Variants in CAMTA1 observed in about 807,000 individuals in gnomAD.
The protein encoded by CAMTA1 is calmodulin binding transcription activator 1.
A neutral mutation model predicts 170.9 loss-of-function variants in CAMTA1; 27 were observed. The ratio of observed to expected loss-of-function variants is 0.16; its 90% CI spans 0.12 to 0.22. The LOEUF is 0.22. Among genes scored for constraint, CAMTA1 ranks in the 10% least tolerant of loss-of-function variants. The pLI is 1.00. For missense variants in CAMTA1, 1,619 were observed against 2,217.2 expected, an observed-to-expected ratio of 0.73 and a Z score of 5.42; for synonymous variants, 833 against 891.5, an observed-to-expected ratio of 0.93 and a Z score of 1.17.
chr1:7,128,096 G>C (rs978124655), intron 4 of CAMTA1, among the ~76,000 whole-genome samples: 19 of 152,122 alleles, frequency 1.2e-4, no homozygotes, highest in African/African-American at 4.4e-4. Flanking sequence ...TCTCTGATGA[G>C]CTTCCCTGGC....
intron 5 of CAMTA1, among the ~76,000 whole-genome samples, chr1:7,350,424 G>T (rs1173421637): frequency 2.6e-5 from 4 of 152,228 alleles, no homozygotes; most frequent in Non-Finnish European, 4.4e-5. Flanking sequence ...ATGAGACCTG[G>T]TGTTACCTTT....
intron 5 of CAMTA1, among the ~76,000 whole-genome samples, chr1:7,280,220 C>T (rs780050563): frequency 6.6e-6 from 1 of 152,246 alleles, no homozygotes; most frequent in African/African-American, 2.4e-5. Context: ...ACACTCATTT[C>T]CTTTGCCCCA....
At chr1:7,504,161 G>T (rs2094059455) in intron 6 of CAMTA1, among the ~76,000 whole-genome samples, 1 of 152,138 alleles carries the variant, frequency 6.6e-6, no homozygotes, top group Admixed American at 6.5e-5. Flanking sequence ...GAACGGGTGG[G>T]GACTGACTTT....
chr1:7,155,043 C>A (rs1202614183), intron 4 of CAMTA1, among the ~76,000 whole-genome samples: 1 of 152,176 alleles, frequency 6.6e-6, no homozygotes, highest in East Asian at 1.9e-4. Flanking sequence ...GGGCCCTTCT[C>A]CAGCCAGGAT....
intron 4 of CAMTA1, among the ~76,000 whole-genome samples, chr1:7,125,510 T>G (rs1644879478): frequency 1.3e-5 from 2 of 152,208 alleles, no homozygotes; most frequent in South Asian, 4.2e-4. Flanking sequence ...TGGCAGTTGC[T>G]TACCCATCCA....
At chr1:7,597,949 T>A (rs866822828) in intron 6 of CAMTA1, among the ~76,000 whole-genome samples, 14 of 152,208 alleles carry the variant, frequency 9.2e-5, no homozygotes, top group African/African-American at 1.4e-4. Flanking sequence ...TTTTTTTTTT[T>A]TATACTTTAA....
At chr1:7,651,366 G>A (rs12126201) in intron 7 of CAMTA1, among the ~76,000 whole-genome samples, 23,894 of 152,140 alleles carry the variant, frequency 0.16, 2,368 homozygotes, top group Middle Eastern at 0.34. Context: ...AAGGCCAAGC[G>A]TCGATTCCAG....
At chr1:6,857,845 TAATG>T (rs1663028668) in intron 3 of CAMTA1, among the ~76,000 whole-genome samples, 1 of 152,072 alleles carries the variant, frequency 6.6e-6, no homozygotes, top group African/African-American at 2.4e-5. Context: ...AAAAGCCTAT[TAATG>T]GGGAGATCTA....
At chr1:6,928,389 G>A (rs534534241) in intron 3 of CAMTA1, among the ~76,000 whole-genome samples, 11 of 152,274 alleles carry the variant, frequency 7.2e-5, no homozygotes, top group Admixed American at 1.3e-4. Flanking sequence ...AGAGAGAATC[G>A]GGTGTTCAGT....
intron 4 of CAMTA1, among the ~76,000 whole-genome samples, chr1:7,143,844 T>C (rs1646027023): frequency 6.6e-6 from 1 of 152,238 alleles, no homozygotes; most frequent in Non-Finnish European, 1.5e-5. Flanking sequence ...AAGTCATATG[T>C]CTATACACTA....
intron 3 of CAMTA1, among the ~76,000 whole-genome samples, chr1:7,000,492 C>CT (rs1473207450): frequency 6.6e-6 from 1 of 152,160 alleles, no homozygotes; most frequent in East Asian, 1.9e-4. Flanking sequence ...GGGAGCATGT[C>CT]TTATGGAGCG....
chr1:7,546,987 A>G (rs1406413241), intron 6 of CAMTA1, among the ~76,000 whole-genome samples: 1 of 152,208 alleles, frequency 6.6e-6, no homozygotes, highest in Non-Finnish European at 1.5e-5. Flanking sequence ...ATTCCCCATC[A>G]GACTTTCAGT....
intron 3 of CAMTA1, among the ~76,000 whole-genome samples, chr1:6,930,939 C>T (rs879530764): frequency 1.6e-4 from 24 of 152,230 alleles, no homozygotes; most frequent in Non-Finnish European, 1.8e-4. Context: ...TTGGCTCCGC[C>T]GCGTCTCCTC....
intron 4 of CAMTA1, among the ~76,000 whole-genome samples, chr1:7,095,918 C>T (rs1031332442): frequency 8.1e-5 from 12 of 148,736 alleles, no homozygotes; most frequent in African/African-American, 3.1e-4. Flanking sequence ...CTGGGAAATA[C>T]GCAACCTTCC....
At position 6,937,149 on chromosome 1, in the gene CAMTA1, C is replaced by T. The variant is rs529133493; in HGVS notation, c.234+111939C>T. Among the ~76,000 whole-genome samples the T allele has an allele frequency of 6.0e-4, 91 of 151,804 alleles. 1 individual carries two copies. In the South Asian group the frequency reaches 0.01, roughly 17 times the overall value. On this transcript the variant is annotated intron_variant, in intron 3 of 22. Transcript: ENST00000303635. ...CATTTACCACCACCATCACCATCACCATCATCACCGTCATCACCACCATAA... is the reference window on the plus strand; with the variant it reads ...CATTTACCACCACCATCACCATCACTATCATCACCGTCATCACCACCATAA...
intron 4 of CAMTA1, among the ~76,000 whole-genome samples, chr1:7,117,290 A>G (rs1644391215): frequency 6.6e-6 from 1 of 152,108 alleles, no homozygotes; most frequent in Non-Finnish European, 1.5e-5. Flanking sequence ...TTTTATACTC[A>G]CATTTCACTA....
intron 5 of CAMTA1, among the ~76,000 whole-genome samples, chr1:7,373,062 ATGG>A (rs2086595847): frequency 6.6e-6 from 1 of 152,210 alleles, no homozygotes; most frequent in South Asian, 2.1e-4. Flanking sequence ...TGCAGGAGGC[ATGG>A]GAACCAGGGG....
At chr1:7,085,669 C>T (rs967762280) in intron 3 of CAMTA1, among the ~76,000 whole-genome samples, 1 of 152,222 alleles carries the variant, frequency 6.6e-6, no homozygotes, top group Non-Finnish European at 1.5e-5. Context: ...GGCACATGGG[C>T]GCTGAGGCGT....
chr1:7,424,612 C>T (rs962544177), intron 5 of CAMTA1, among the ~76,000 whole-genome samples: 2 of 152,104 alleles, frequency 1.3e-5, no homozygotes, highest in South Asian at 2.1e-4. Context: ...GAAAGCAGGC[C>T]GCTGTGGATG....
Sources: allele counts gnomAD v4.1 joint callset (sites outside exome capture counted in the v4.1 genomes callset), GRCh38; gene constraint gnomAD v4.1.1; transcripts MANE v1.5; gene names NCBI Gene and HGNC (gene_info 2026-07-23, HGNC 2026-07-21).